ADAMTSL1: variants seen among roughly 807,000 people sequenced by gnomAD.
ADAMTSL1 encodes the protein ADAMTS-like protein 1.
ADAMTSL1 carries 126 observed loss-of-function variants against 201.8 expected under a neutral mutation model. The observed-to-expected ratio is 0.62, with a 90% confidence interval of 0.54 to 0.72. The LOEUF is 0.72. Ranked by LOEUF, ADAMTSL1 falls within the 30% of genes least tolerant of loss-of-function variation. The pLI is 0.00. For missense variants in ADAMTSL1, 2,679 were observed against 2,277.8 expected (o/e 1.18, Z -3.59); for synonymous variants, 1,121 against 903.4 (o/e 1.24, Z -4.32).
chr9:18,892,371 ACTT>A lies in ADAMTSL1; in HGVS notation c.4644-13_4644-11del. On this transcript the variant is annotated splice_polypyrimidine_tract_variant and intron_variant, in intron 25 of 28. Coordinates refer to ENST00000380548, the MANE Select transcript of ADAMTSL1 (RefSeq NM_001040272.6). ...CCTGTCCCTTTAGGGCTCTCCTGAC[ACTT>A]CTTCCTCTCCCCAGGTGGATGGTGA... The A allele has an allele frequency of 6.2e-7, 1 of 1,605,580 alleles. No individual in the cohort carries two copies. Among genetic ancestry groups the A allele is most frequent in the Non-Finnish European group, 8.5e-7 (1 of 1,176,644 alleles).
In ADAMTSL1 at chr9:18,645,574, G is replaced by A. The variant is rs377637455; in HGVS notation, c.834+6163G>A. 4.8e-3 allele frequency among the ~76,000 whole-genome samples: 728 copies of A among 151,624 alleles called. 4 individuals carry two copies. The highest frequency in any genetic ancestry group is 0.017 in the African/African-American group (698 of 41,282). On this transcript the variant is annotated intron_variant, in intron 7 of 28. Transcript: ENST00000380548. Reference sequence around the variant, plus strand: ...TTGAATTAATTTTTGTATAAGGTGTGAGGAAGGGATCCAGTTTCAGCTTTC... The same window carrying A: ...TTGAATTAATTTTTGTATAAGGTGTAAGGAAGGGATCCAGTTTCAGCTTTC...
chr9:18,576,571 G>A (rs1298240964), intron 4 of ADAMTSL1, among the ~76,000 whole-genome samples: 2 of 152,146 alleles, frequency 1.3e-5, no homozygotes, highest in African/African-American at 4.8e-5. Context: ...ACTTTTTAGA[G>A]CCAGAAGATA....
intron 1 of ADAMTSL1, among the ~76,000 whole-genome samples, chr9:17,938,740 G>C (rs1382614247): frequency 1.3e-5 from 2 of 152,116 alleles, no homozygotes; most frequent in Non-Finnish European, 2.9e-5. Context: ...CCTTGTCACA[G>C]AATCTTTGAG....
chr9:18,342,097 G>T (rs2132969495), intron 2 of ADAMTSL1, among the ~76,000 whole-genome samples: 1 of 152,178 alleles, frequency 6.6e-6, no homozygotes, highest in East Asian at 1.9e-4. Context: ...CCCACTTGCT[G>T]CCTCAAGCCC....
intron 23 of ADAMTSL1, among the ~76,000 whole-genome samples, chr9:18,857,221 G>A (rs1210401206): frequency 6.6e-6 from 1 of 152,176 alleles, no homozygotes; most frequent in Non-Finnish European, 1.5e-5. Context: ...ATCCATTCGG[G>A]AGTAAGTTGC....
At chr9:18,357,212 T>C (rs1331014379) in intron 2 of ADAMTSL1, among the ~76,000 whole-genome samples, 1 of 152,188 alleles carries the variant, frequency 6.6e-6, no homozygotes, top group African/African-American at 2.4e-5. Context: ...CTGGAGGCTC[T>C]TGGTTAAAAT....
At chr9:18,029,385 C>G (rs933870696) in intron 1 of ADAMTSL1, among the ~76,000 whole-genome samples, 1 of 152,108 alleles carries the variant, frequency 6.6e-6, no homozygotes, top group African/African-American at 2.4e-5. Context: ...ATGCCTTATA[C>G]AAAAATTAAT....
At chr9:17,928,933 C>G (rs946220961) in intron 1 of ADAMTSL1, among the ~76,000 whole-genome samples, 1 of 152,098 alleles carries the variant, frequency 6.6e-6, no homozygotes, top group African/African-American at 2.4e-5. Context: ...GGAAACTCTG[C>G]TTACCACTGC....
At chr9:18,699,301 T>C (rs1831776876) in intron 13 of ADAMTSL1, among the ~76,000 whole-genome samples, 1 of 151,342 alleles carries the variant, frequency 6.6e-6, no homozygotes, top group Non-Finnish European at 1.5e-5. Context: ...CTTTTCCATG[T>C]GTTTTGCTGG....
chr9:18,098,581 G>A (rs1381921097), intron 1 of ADAMTSL1, among the ~76,000 whole-genome samples: 1 of 152,214 alleles, frequency 6.6e-6, no homozygotes, highest in African/African-American at 2.4e-5. Flanking sequence ...TATTATGCAA[G>A]TTTGCTAAAT....
chr9:18,741,326 T>C (rs1818810431), intron 15 of ADAMTSL1, among the ~76,000 whole-genome samples: 3 of 151,046 alleles, frequency 2.0e-5, no homozygotes. Context: ...GCTGAATAGA[T>C]GGGTAGAATT....
chr9:17,922,104 G>A (rs1334047674), intron 1 of ADAMTSL1, among the ~76,000 whole-genome samples: 9 of 148,912 alleles, frequency 6.0e-5, no homozygotes, highest in Non-Finnish European at 5.9e-5. Context: ...TTTTTTTGTG[G>A]TGGAGAATGG....
At chr9:18,003,129 G>C (rs1390457236) in intron 1 of ADAMTSL1, among the ~76,000 whole-genome samples, 2 of 151,974 alleles carry the variant, frequency 1.3e-5, no homozygotes, top group East Asian at 3.9e-4. Flanking sequence ...GCTGTGGGTA[G>C]AGAGCCCTAA....
chr9:18,064,841 T>A (rs746547988), intron 1 of ADAMTSL1, among the ~76,000 whole-genome samples: 4 of 151,806 alleles, frequency 2.6e-5, no homozygotes, highest in Non-Finnish European at 5.9e-5. Flanking sequence ...TTTCTGGAGA[T>A]GTCTTTGAGT....
At chr9:18,228,240 G>T (rs1408423136) in intron 2 of ADAMTSL1, among the ~76,000 whole-genome samples, 1 of 152,172 alleles carries the variant, frequency 6.6e-6, no homozygotes, top group Non-Finnish European at 1.5e-5. Context: ...CTTGATGATA[G>T]TTCCTGCGTG....
chr9:18,321,079 A>C (rs988044792), intron 2 of ADAMTSL1, among the ~76,000 whole-genome samples: 1 of 152,200 alleles, frequency 6.6e-6, no homozygotes, highest in Non-Finnish European at 1.5e-5. Flanking sequence ...CACTTTAAAC[A>C]TAAACCCACA....
intron 1 of ADAMTSL1, among the ~76,000 whole-genome samples, chr9:18,123,308 T>C (rs1825584056): frequency 6.6e-6 from 1 of 152,216 alleles, no homozygotes; most frequent in Non-Finnish European, 1.5e-5. Flanking sequence ...AAATATGACT[T>C]GATTCAATAC....
chr9:18,830,163 G>T (rs566635457), intron 23 of ADAMTSL1, among the ~76,000 whole-genome samples, 186 bp downstream of exon 23: 1 of 152,352 alleles, frequency 6.6e-6, no homozygotes, highest in African/African-American at 2.4e-5. Flanking sequence ...GGTGAATGCA[G>T]TTGTTAGTCT....
intron 9 of ADAMTSL1, among the ~76,000 whole-genome samples, chr9:18,670,868 C>G (rs1258079865): frequency 1.3e-5 from 2 of 151,970 alleles, no homozygotes; most frequent in Non-Finnish European, 2.9e-5. Context: ...GGACCCACCC[C>G]ACCCCCACCT....
Sources: gnomAD v4.1 joint callset for allele counts (sites outside exome capture counted in the v4.1 genomes callset) on GRCh38, gnomAD v4.1.1 for gene constraint, MANE v1.5 for transcripts, NCBI Gene and HGNC (gene_info 2026-07-23, HGNC 2026-07-21) for gene names.